Variants in PYROXD2 observed in about 807,000 individuals in gnomAD.
PYROXD2 encodes the protein pyridine nucleotide-disulfide oxidoreductase domain-containing protein 2.
PYROXD2 carries 69 observed loss-of-function variants against 71.1 expected under a neutral mutation model. The ratio of observed to expected loss-of-function variants is 0.97; its 90% confidence interval spans 0.80 to 1.19. The LOEUF is 1.19. Ranked by LOEUF, PYROXD2 falls within the 50% of genes most tolerant of loss-of-function variation. The pLI, the probability that PYROXD2 is intolerant of heterozygous loss-of-function variation, is 0.00. For synonymous variants in PYROXD2, 287 were observed against 302.7 expected (o/e 0.95, Z 0.54); for missense variants, 745 against 748.9 (o/e 0.99, Z 0.06).
chr10:98,414,935 C>T, intron 1 of PYROXD2, 74 bp downstream of exon 1: 3 of 1,557,730 alleles, frequency 1.9e-6, no homozygotes, highest in Non-Finnish European at 8.7e-7. Flanking sequence ...CTCCCCCTCC[C>T]CCTCCCCACC....
intron 4 of PYROXD2, among the ~76,000 whole-genome samples, chr10:98,406,839 C>A (rs946301912): frequency 1.4e-5 from 2 of 143,198 alleles, no homozygotes; most frequent in Admixed American, 1.5e-4. Flanking sequence ...TTGCAGTGAG[C>A]TGAGATCGCG....
intron 2 of PYROXD2, among the ~76,000 whole-genome samples, chr10:98,408,324 G>A (rs371641785): frequency 6.6e-6 from 1 of 152,134 alleles, no homozygotes; most frequent in Non-Finnish European, 1.5e-5. Context: ...CTGGGATGTC[G>A]CTCTCCTCCA....
intron 14 of PYROXD2, among the ~76,000 whole-genome samples, chr10:98,386,556 A>T (rs59667296): frequency 0.5 from 73,193 of 147,416 alleles, 20,209 homozygotes; most frequent in African/African-American, 0.76. Context: ...CTTTTTTTTT[A>T]AATTTTCTTT....
Position 98,388,376 on chromosome 10 carries a change from C to A in PYROXD2, c.1425G>T (p.Glu475Asp), listed in dbSNP as rs764112886. ...TACCTCTGTCTGCATAAGCGTCTCTCTCCTGCTCGTCCCAGGCCTTGCCTC... is the reference window on the plus strand; with the variant it reads ...TACCTCTGTCTGCATAAGCGTCTCTATCCTGCTCGTCCCAGGCCTTGCCTC... The part of the protein sequence containing the change: ...LAGGKAWDEQ[E>D]RDAYADRVFD... The change falls in exon 13 of 16, where the codon GAG becomes GAT. Residue 475 changes from glutamate to aspartate, a missense_variant. Coordinates refer to ENST00000370575, the MANE Select transcript of PYROXD2 (RefSeq NM_032709.3). The A allele has an allele frequency of 5.1e-5, 83 of 1,613,862 alleles. No individual in the cohort carries two copies. The highest frequency in any genetic ancestry group is 7.0e-5 in the Non-Finnish European group (83 of 1,179,972).
intron 8 of PYROXD2, 59 bp downstream of exon 8, chr10:98,395,137 C>G: frequency 6.9e-7 from 1 of 1,448,390 alleles, no homozygotes; most frequent in Non-Finnish European, 9.7e-7. Context: ...CACTGTTGTC[C>G]TCACTCCTGT....
At chr10:98,398,738 CCCT>C (rs1843284582) in intron 5 of PYROXD2, among the ~76,000 whole-genome samples, 1 of 152,134 alleles carries the variant, frequency 6.6e-6, no homozygotes, top group African/African-American at 2.4e-5. Context: ...GTGCAGAATC[CCCT>C]CAAGTGCCTC....
intron 1 of PYROXD2, 138 bp from the exon 2 acceptor site, chr10:98,411,096 ACT>A (rs1328288966): frequency 8.1e-7 from 1 of 1,230,970 alleles, no homozygotes; most frequent in African/African-American, 1.5e-5. Flanking sequence ...CCCTTCCCGC[ACT>A]CAGATGTTGG....
rs1843237411 is a variant in PYROXD2 at position 98,397,629 on chromosome 10, C to A, written c.472-131G>T. 3.6e-6 allele frequency: 4 copies of A among 1,120,960 alleles called. No individual in the cohort carries two copies. The South Asian group carries it at 7.8e-5, about 22-fold the overall frequency. The allele number at this position is 1,120,960 out of a possible 1,614,324, so 69.4% of individuals were successfully genotyped here. A position where few individuals can be genotyped will look rare whatever the true frequency, so the allele number is the denominator to read the frequency against. ...CATTCCCCGCTGTGGCCCAGCTTGG[C>A]TCTGTTGAGCTCCCCCAGTTCCAGG... On this transcript the variant is annotated intron_variant, in intron 5 of 15. Transcript: ENST00000370575.
chr10:98,389,082 G>A (rs569219055), intron 12 of PYROXD2, among the ~76,000 whole-genome samples: 3 of 152,100 alleles, frequency 2.0e-5, no homozygotes, highest in South Asian at 4.1e-4. Flanking sequence ...TTCTCCCTGC[G>A]TCCCTCAGCT....
intron 4 of PYROXD2, among the ~76,000 whole-genome samples, chr10:98,404,429 T>C (rs1169860996): frequency 6.6e-6 from 1 of 152,212 alleles, no homozygotes; most frequent in African/African-American, 2.4e-5. Flanking sequence ...TTAAATTTAA[T>C]TTAGTGAAGG....
intron 1 of PYROXD2, chr10:98,414,036 G>GTATATA (rs1337658771): frequency 6.6e-6 from 1 of 151,614 alleles, no homozygotes; most frequent in Non-Finnish European, 1.5e-5. Context: ...GTGTATATGT[G>GTATATA]TATATATATG....
Position 98,401,267 on chromosome 10 carries a change from C to CA in PYROXD2, c.316-1011dup, listed in dbSNP as rs1189449237. Reference sequence around the variant, plus strand: ...AGACTCTGTCTCAAAAAAAAAAAAACAAAAAAAAACAAACATAGAAAAGGT... The same window carrying CA: ...AGACTCTGTCTCAAAAAAAAAAAAACAAAAAAAAAACAAACATAGAAAAGGT... On this transcript the variant is annotated intron_variant, in intron 4 of 15. Transcript: ENST00000370575. Among the ~76,000 whole-genome samples, 93 of 127,580 alleles carry CA rather than the reference C, an allele frequency of 7.3e-4. 1 individual carries two copies. Among genetic ancestry groups the CA allele is most frequent in the East Asian group, 5.3e-3 (24 of 4,508 alleles). The allele number at this position is 127,580 out of a possible 152,430, so 83.7% of individuals were successfully genotyped here. A position where few individuals can be genotyped will look rare whatever the true frequency, so the allele number is the denominator to read the frequency against.
At position 98,390,767 on chromosome 10, in the gene PYROXD2, A is replaced by C. The variant is rs760233537; in HGVS notation, c.1136-13T>G. On this transcript the variant is annotated splice_polypyrimidine_tract_variant and intron_variant, in intron 11 of 15. Coordinates refer to ENST00000370575, the MANE Select transcript of PYROXD2 (RefSeq NM_032709.3). ...CTGTCTACGGCCACTGAGGGACCAAAGAGGAGGGTCAGGTCTTAGCCCCAC... is the reference window on the plus strand; with the variant it reads ...CTGTCTACGGCCACTGAGGGACCAACGAGGAGGGTCAGGTCTTAGCCCCAC... 5 of 1,573,424 alleles carry C rather than the reference A, an allele frequency of 3.2e-6. No individual in the cohort carries two copies. Among genetic ancestry groups the C allele is most frequent in the Non-Finnish European group, 4.3e-6 (5 of 1,158,974 alleles).
chr10:98,392,702 C>T (rs1842988437), intron 9 of PYROXD2, 136 bp from the exon 10 acceptor site: 2 of 1,417,428 alleles, frequency 1.4e-6, no homozygotes, highest in Admixed American at 2.4e-5. Flanking sequence ...CCAAGTTCTG[C>T]AGCTTCTCCA....
chr10:98,390,521 T>C (rs1020960851), intron 12 of PYROXD2, 77 bp downstream of exon 12: 1 of 1,454,150 alleles, frequency 6.9e-7, no homozygotes, highest in Non-Finnish European at 9.2e-7. Context: ...TGATCCCTGC[T>C]GTGGGTGGCA....
At chr10:98,395,733 G>A (rs566544462) in intron 6 of PYROXD2, among the ~76,000 whole-genome samples, 1 of 152,324 alleles carries the variant, frequency 6.6e-6, no homozygotes, top group South Asian at 2.1e-4. Flanking sequence ...AATGAGCTAG[G>A]TAAAGCATTT....
At chr10:98,387,446 T>A in intron 13 of PYROXD2, 139 bp from the exon 14 acceptor site, 1 of 619,996 alleles carries the variant, frequency 1.6e-6, no homozygotes, top group African/African-American at 1.9e-5. Context: ...AAATTATACC[T>A]CAATAGGTGA....
rs1173442784 is a variant in PYROXD2 at position 98,403,841 on chromosome 10, G to A, written c.316-3584C>T. On this transcript the variant is annotated intron_variant, in intron 4 of 15. Transcript: ENST00000370575. ...GTCCTTGCCTTCCTAGTTCACTGCCGTACACCCAAGGGCTTCTCTCAGTGC... is the reference window on the plus strand; with the variant it reads ...GTCCTTGCCTTCCTAGTTCACTGCCATACACCCAAGGGCTTCTCTCAGTGC... Among the ~76,000 whole-genome samples, 4 of 152,160 alleles carry A rather than the reference G, an allele frequency of 2.6e-5. No individual in the cohort carries two copies. In the East Asian group the frequency reaches 5.8e-4, roughly 22 times the overall value.
intron 4 of PYROXD2, among the ~76,000 whole-genome samples, chr10:98,400,461 C>A (rs1014714279): frequency 1.3e-5 from 2 of 152,108 alleles, no homozygotes; most frequent in South Asian, 2.1e-4. Flanking sequence ...TGTATCACAT[C>A]GCAGTACACT....
Sources: gnomAD v4.1 joint callset for allele counts (sites outside exome capture counted in the v4.1 genomes callset) on GRCh38, gnomAD v4.1.1 for gene constraint, MANE v1.5 for transcripts, NCBI Gene and HGNC (gene_info 2026-07-23, HGNC 2026-07-21) for gene names.